Variants in FAF1 observed in about 807,000 individuals in gnomAD.
FAF1 encodes Fas associated factor 1.
Under a neutral mutation model 92.5 loss-of-function variants are expected in FAF1, and 25 were observed. The observed-to-expected ratio is 0.27, with a 90% confidence interval of 0.20 to 0.38. The LOEUF is 0.38. FAF1 is among the 10% of genes least tolerant of loss of function. The pLI is 1.00. For synonymous variants in FAF1, 234 were observed against 273.2 expected (o/e 0.86, Z 1.42); for missense variants, 636 against 793.3 (o/e 0.80, Z 2.38).
intron 15 of FAF1, among the ~76,000 whole-genome samples, chr1:50,495,756 A>T (rs1646890484): frequency 6.6e-6 from 1 of 152,104 alleles, no homozygotes; most frequent in South Asian, 2.1e-4. Flanking sequence ...TTTTCTCCAC[A>T]TCCTCTCCAG....
chr1:50,490,514 GGAA>G, intron 17 of FAF1, 71 bp downstream of exon 17: 1 of 747,758 alleles, frequency 1.3e-6, no homozygotes. Context: ...AAGGAAGGAA[GGAA>G]GGTAGGTTAA....
chr1:50,713,810 G>C (rs919338836), intron 6 of FAF1, among the ~76,000 whole-genome samples: 8 of 125,826 alleles, frequency 6.4e-5, no homozygotes, highest in African/African-American at 2.4e-4. Context: ...GTCTTGCTCT[G>C]TCACCCAGGC....
chr1:50,636,138 C>A (rs1396816699), intron 8 of FAF1, among the ~76,000 whole-genome samples: 1 of 152,046 alleles, frequency 6.6e-6, no homozygotes. Context: ...CATCCTAAAT[C>A]CACTAATTAA....
chr1:50,494,001 G>C (rs554351898), intron 15 of FAF1, among the ~76,000 whole-genome samples: 1 of 152,346 alleles, frequency 6.6e-6, no homozygotes, highest in Non-Finnish European at 1.5e-5. Flanking sequence ...CAAATACAGG[G>C]ATCTTGGCAC....
At chr1:50,496,323 C>CAAG (rs930879128) in intron 15 of FAF1, among the ~76,000 whole-genome samples, 2 of 152,224 alleles carry the variant, frequency 1.3e-5, no homozygotes, top group Admixed American at 1.3e-4. Flanking sequence ...AGATACAGAC[C>CAAG]AAGATAACCT....
chr1:50,797,803 G>A (rs1661819229), intron 3 of FAF1, among the ~76,000 whole-genome samples: 1 of 152,286 alleles, frequency 6.6e-6, no homozygotes, highest in East Asian at 1.9e-4. Flanking sequence ...CTCAGGAGGA[G>A]TTCAAGTCCA....
intron 1 of FAF1, among the ~76,000 whole-genome samples, chr1:50,890,116 G>T (rs755047604): frequency 3.9e-5 from 6 of 152,140 alleles, no homozygotes; most frequent in Non-Finnish European, 7.4e-5. Flanking sequence ...TTACTACTAT[G>T]TAATGGCCCT....
intron 2 of FAF1, among the ~76,000 whole-genome samples, chr1:50,816,360 A>C (rs1298788191): frequency 6.6e-6 from 1 of 151,684 alleles, no homozygotes; most frequent in Non-Finnish European, 1.5e-5. Context: ...GCCTGCCACT[A>C]TGCCCGGCTA....
chr1:50,442,534 C>A (rs1646181462), intron 18 of FAF1, among the ~76,000 whole-genome samples: 1 of 152,300 alleles, frequency 6.6e-6, no homozygotes, highest in East Asian at 1.9e-4. Flanking sequence ...AGATGGTGGA[C>A]ACACAGATAA....
intron 1 of FAF1, among the ~76,000 whole-genome samples, chr1:50,938,541 T>C (rs1260768336): frequency 6.6e-6 from 1 of 152,202 alleles, no homozygotes; most frequent in African/African-American, 2.4e-5. Context: ...GTTTACACTG[T>C]TGATAGTTTC....
chr1:50,593,966 T>G (rs532264231), intron 9 of FAF1, among the ~76,000 whole-genome samples: 2 of 152,310 alleles, frequency 1.3e-5, no homozygotes, highest in East Asian at 1.9e-4. Context: ...AAAAAAATTT[T>G]TATCTTACTA....
Position 50,490,766 on chromosome 1 carries a change from T to C in FAF1, c.1576-101A>G, listed in dbSNP as rs1646829946. On this transcript the variant is annotated intron_variant, in intron 16 of 18. Transcript: ENST00000396153. ...AAAAAAGAAAAGAGGAAAGAAAGAGTATGTGACATTCAAAGGCTCATTGTC... is the reference window on the plus strand; with the variant it reads ...AAAAAAGAAAAGAGGAAAGAAAGAGCATGTGACATTCAAAGGCTCATTGTC... The C allele has an allele frequency of 1.4e-5, 11 of 789,976 alleles. No individual in the cohort carries two copies. In the South Asian group the frequency reaches 1.6e-4, roughly 12 times the overall value. The allele number at this position is 789,976 out of a possible 1,614,324, so 48.9% of individuals were successfully genotyped here.
In FAF1 at chr1:50,706,025, C is replaced by T; in HGVS notation, c.552-134G>A. 5.3e-6 allele frequency: 3 copies of T among 564,558 alleles called. No individual in the cohort carries two copies. In the Admixed American group the frequency reaches 8.8e-5, roughly 17 times the overall value. 35.0% of individuals were successfully genotyped at this position (564,558 alleles called of 1,614,324 possible). On this transcript the variant is annotated intron_variant, in intron 6 of 18. Coordinates refer to ENST00000396153, the MANE Select transcript of FAF1 (RefSeq NM_007051.3). ...TCTGGGCCCAATGTTATCATATTTT[C>T]AGCTCCTAAAGGCAAGAGAACACAC...
At chr1:50,478,492 T>C (rs1646664658) in intron 17 of FAF1, among the ~76,000 whole-genome samples, 1 of 152,170 alleles carries the variant, frequency 6.6e-6, no homozygotes, top group African/African-American at 2.4e-5. Context: ...ACCATATCTT[T>C]TGAGATTATA....
intron 4 of FAF1, among the ~76,000 whole-genome samples, chr1:50,767,264 A>G (rs1660610360): frequency 6.6e-6 from 1 of 152,168 alleles, no homozygotes; most frequent in African/African-American, 2.4e-5. Flanking sequence ...GACTAAAATT[A>G]AAAAGACTCA....
chr1:50,598,406 G>T (rs1246696174), intron 8 of FAF1, among the ~76,000 whole-genome samples: 1 of 143,038 alleles, frequency 7.0e-6, no homozygotes, highest in East Asian at 2.1e-4. Context: ...AGGCTGCAGA[G>T]AACTGAGATC....
chr1:50,886,524 C>G (rs897931019), intron 1 of FAF1, among the ~76,000 whole-genome samples: 1 of 152,004 alleles, frequency 6.6e-6, no homozygotes, highest in Non-Finnish European at 1.5e-5. Context: ...GCTATCCCTC[C>G]CCACTCCCCC....
intron 8 of FAF1, among the ~76,000 whole-genome samples, chr1:50,612,961 G>A (rs1170833751): frequency 6.6e-6 from 1 of 152,150 alleles, no homozygotes; most frequent in Non-Finnish European, 1.5e-5. Flanking sequence ...GTGACTCTAA[G>A]GTCCTTGAAG....
In FAF1 at chr1:50,570,888, A is replaced by G. The variant is rs190682684; in HGVS notation, c.1114-3657T>C. 7.2e-5 allele frequency among the ~76,000 whole-genome samples: 11 copies of G among 152,340 alleles called. No homozygotes were observed. In the East Asian group the frequency reaches 1.5e-3, roughly 21 times the overall value. ...AAAGAGTGAGAACTGGATTAAGCAT[A>G]TCAACCAATTTGGAAGAGTTGAAAT... On this transcript the variant is annotated intron_variant, in intron 12 of 18. Coordinates refer to ENST00000396153, the MANE Select transcript of FAF1 (RefSeq NM_007051.3).
Sources: allele counts gnomAD v4.1 joint callset (sites outside exome capture counted in the v4.1 genomes callset), GRCh38; gene constraint gnomAD v4.1.1; transcripts MANE v1.5; gene names NCBI Gene and HGNC (gene_info 2026-07-23, HGNC 2026-07-21).